ERC2: variants seen among roughly 807,000 people sequenced by gnomAD.
ERC2 encodes ELKS/RAB6-interacting/CAST family member 2, also known as ERC protein 2.
ERC2 carries 42 observed loss-of-function variants against 114.8 expected under a neutral mutation model. That is an observed-to-expected ratio of 0.37 (90% CI 0.29 to 0.47). ERC2 has a LOEUF of 0.47. ERC2 is among the 20% of genes least tolerant of loss of function. ERC2 has a pLI of 0.99. For missense variants in ERC2, 939 were observed against 1,150.7 expected (o/e 0.82, Z 2.66); for synonymous variants, 454 against 425.5 (o/e 1.07, Z -0.82).
At chr3:55,921,784 T>C (rs1399097697) in intron 13 of ERC2, among the ~76,000 whole-genome samples, 3 of 152,154 alleles carry the variant, frequency 2.0e-5, no homozygotes, top group Admixed American at 2.0e-4. Context: ...AGGAATTATG[T>C]GCAATTGGGA....
intron 14 of ERC2, among the ~76,000 whole-genome samples, chr3:55,859,448 T>C (rs1051788583): frequency 6.6e-6 from 1 of 152,088 alleles, no homozygotes; most frequent in African/African-American, 2.4e-5. Flanking sequence ...TCTGTGCCAC[T>C]GGGGCAGGGG....
At chr3:55,922,882 A>G (rs1004144266) in intron 13 of ERC2, among the ~76,000 whole-genome samples, 6 of 152,106 alleles carry the variant, frequency 3.9e-5, no homozygotes, top group African/African-American at 1.4e-4. Context: ...CTGTTGTCAA[A>G]AAGTATTGGT....
intron 2 of ERC2, among the ~76,000 whole-genome samples, chr3:56,429,000 A>G (rs1206871513): frequency 6.6e-6 from 1 of 152,208 alleles, no homozygotes; most frequent in Non-Finnish European, 1.5e-5. Flanking sequence ...CTTTATGTGT[A>G]CCTAATTTGG....
intron 5 of ERC2, among the ~76,000 whole-genome samples, chr3:56,143,584 T>C (rs981509941): frequency 6.6e-6 from 1 of 152,200 alleles, no homozygotes; most frequent in African/African-American, 2.4e-5. Context: ...CCTTCCACCA[T>C]GATTGTGAGG....
At chr3:55,697,387 G>C (rs1271465041) in intron 16 of ERC2, among the ~76,000 whole-genome samples, 2 of 152,068 alleles carry the variant, frequency 1.3e-5, no homozygotes, top group African/African-American at 4.8e-5. Flanking sequence ...AGAAACATGT[G>C]CCAAAGGTCT....
At chr3:55,668,555 C>T (rs771672037) in intron 17 of ERC2, among the ~76,000 whole-genome samples, 3 of 152,162 alleles carry the variant, frequency 2.0e-5, no homozygotes, top group Non-Finnish European at 2.9e-5. Context: ...TGGGGTCTGC[C>T]GGCTGATGAC....
chr3:55,593,464 C>G (rs891269412), intron 17 of ERC2, among the ~76,000 whole-genome samples: 2 of 152,200 alleles, frequency 1.3e-5, no homozygotes, highest in African/African-American at 4.8e-5. Context: ...TTAATCATCT[C>G]TGGCTGACTT....
intron 6 of ERC2, among the ~76,000 whole-genome samples, chr3:56,116,431 A>G (rs2079238768): frequency 6.6e-6 from 1 of 152,228 alleles, no homozygotes; most frequent in African/African-American, 2.4e-5. Flanking sequence ...AGAACAGAAT[A>G]GCAAGCCTTT....
At position 55,888,427 on chromosome 3, in the gene ERC2, A is replaced by C. The variant is rs557916293; in HGVS notation, c.2526T>G (p.Ile842Met). The change falls in exon 14 of 18, where the codon ATT (isoleucine) becomes ATG (methionine). Residue 842 changes from isoleucine to methionine, a missense_variant. Ile to Met is a conservative substitution (Grantham distance 10). Coordinates refer to ENST00000288221, the MANE Select transcript of ERC2 (RefSeq NM_015576.3). ...TCTCCTCCAGCTGTTTCCTCCTCTC[A>C]ATCCGGAGGTTGGCCAAGTGCGCTT... ...EKEAHLANLR[I>M]ERRKQLEEIL... is the part of the protein sequence containing the mutation. The C allele has an allele frequency of 6.8e-6, 11 of 1,613,832 alleles. No individual in the cohort carries two copies. The highest frequency in any genetic ancestry group is 3.3e-4 in the Middle Eastern group (2 of 6,058).
Position 55,993,165 on chromosome 3 carries a change from T to C in ERC2, c.2062-915A>G, listed in dbSNP as rs111965489. On this transcript the variant is annotated intron_variant, in intron 10 of 17. Coordinates refer to ENST00000288221, the MANE Select transcript of ERC2 (RefSeq NM_015576.3). The stretch of plus-strand genomic sequence containing the variant: ...ACCCCTTGTTTCCCATTATTCCTAA[T>C]TGACTTCTTCAAAGAGCAGGCAGGG... Among the ~76,000 whole-genome samples the C allele has an allele frequency of 3.4e-3, 521 of 152,244 alleles. 2 individuals carry two copies. The highest frequency in any genetic ancestry group is 0.012 in the African/African-American group (502 of 41,540).
chr3:56,451,310 A>G (rs1033513958), intron 1 of ERC2, among the ~76,000 whole-genome samples: 2 of 152,198 alleles, frequency 1.3e-5, no homozygotes, highest in Non-Finnish European at 2.9e-5. Context: ...GCTTTTTACT[A>G]GAAAAGAATA....
At chr3:56,401,210 G>C (rs545669655) in intron 2 of ERC2, among the ~76,000 whole-genome samples, 1 of 152,252 alleles carries the variant, frequency 6.6e-6, no homozygotes, top group South Asian at 2.1e-4. Context: ...AACATTGTTT[G>C]GTCTAGGCAT....
At chr3:55,952,308 A>G (rs1453327855) in intron 12 of ERC2, among the ~76,000 whole-genome samples, 1 of 151,610 alleles carries the variant, frequency 6.6e-6, no homozygotes, top group Non-Finnish European at 1.5e-5. Context: ...GACATAAAGT[A>G]TGATATAATA....
intron 17 of ERC2, among the ~76,000 whole-genome samples, chr3:55,541,525 G>C (rs758018132): frequency 2.0e-5 from 3 of 152,212 alleles, no homozygotes; most frequent in Non-Finnish European, 4.4e-5. Context: ...TGCTAGGAAT[G>C]GTCATTCCCA....
At chr3:56,013,047 G>C (rs2073061731) in intron 8 of ERC2, among the ~76,000 whole-genome samples, 1 of 152,150 alleles carries the variant, frequency 6.6e-6, no homozygotes, top group Non-Finnish European at 1.5e-5. Context: ...GCTACAGCAA[G>C]GCTTTGCGAG....
chr3:55,985,598 T>C (rs759479799), intron 12 of ERC2, among the ~76,000 whole-genome samples: 1 of 152,220 alleles, frequency 6.6e-6, no homozygotes, highest in Non-Finnish European at 1.5e-5. Context: ...AGATATTTTG[T>C]TCTCCTAGGT....
At chr3:55,835,156 C>T (rs1435642114) in intron 14 of ERC2, among the ~76,000 whole-genome samples, 7 of 151,988 alleles carry the variant, frequency 4.6e-5, no homozygotes, top group Admixed American at 2.0e-4. Flanking sequence ...GATTCACAGC[C>T]GAATTCTACC....
At chr3:56,440,368 C>G (rs902506909) in intron 1 of ERC2, among the ~76,000 whole-genome samples, 4 of 152,062 alleles carry the variant, frequency 2.6e-5, no homozygotes, top group Non-Finnish European at 5.9e-5. Flanking sequence ...ACGGTGAAAC[C>G]CCATCTCTAC....
chr3:55,618,693 G>C (rs2059216583), intron 17 of ERC2, among the ~76,000 whole-genome samples: 1 of 152,176 alleles, frequency 6.6e-6, no homozygotes, highest in African/African-American at 2.4e-5. Context: ...TTTCTGGATG[G>C]TGGATTAGAG....
Sources: gnomAD v4.1 joint callset for allele counts (sites outside exome capture counted in the v4.1 genomes callset) on GRCh38, gnomAD v4.1.1 for gene constraint, MANE v1.5 for transcripts, NCBI Gene and HGNC (gene_info 2026-07-23, HGNC 2026-07-21) for gene names.